CELF4: variants seen among roughly 807,000 people sequenced by gnomAD.
The protein encoded by CELF4 is CUGBP Elav-like family member 4.
CELF4 carries 18 observed loss-of-function variants against 59.9 expected under a neutral mutation model. That is an observed-to-expected ratio of 0.30 (90% CI 0.21 to 0.45). The LOEUF (loss-of-function observed/expected upper bound fraction) is 0.45. CELF4 is among the 20% of genes least tolerant of loss of function. CELF4 has a pLI of 1.00. For missense variants in CELF4, 456 were observed against 689.0 expected (o/e 0.66, Z 3.79); for synonymous variants, 261 against 267.1 (o/e 0.98, Z 0.22).
At chr18:37,539,776 A>G (rs1171543193) in intron 1 of CELF4, among the ~76,000 whole-genome samples, 1 of 152,112 alleles carries the variant, frequency 6.6e-6, no homozygotes, top group African/African-American at 2.4e-5. Context: ...AAAACTGAAA[A>G]ACGGATTTTT....
chr18:37,404,892 T>A (rs1045574081), intron 2 of CELF4, among the ~76,000 whole-genome samples: 3 of 152,226 alleles, frequency 2.0e-5, no homozygotes, highest in African/African-American at 7.2e-5. Context: ...TGTCGCATGC[T>A]TTTCCTTGCC....
chr18:37,464,246 G>C (rs1488649181), intron 2 of CELF4, among the ~76,000 whole-genome samples: 1 of 151,858 alleles, frequency 6.6e-6, no homozygotes, highest in East Asian at 2.0e-4. Flanking sequence ...GAGCAGAAAA[G>C]GAGTGAAGGA....
chr18:37,558,727 C>T (rs2099985656), intron 1 of CELF4, among the ~76,000 whole-genome samples: 1 of 151,936 alleles, frequency 6.6e-6, no homozygotes, highest in Non-Finnish European at 1.5e-5. Context: ...GGGCAACCGG[C>T]TCCCTGCCAC....
intron 1 of CELF4, among the ~76,000 whole-genome samples, chr18:37,513,361 G>A (rs1227209938): frequency 2.0e-5 from 3 of 152,162 alleles, no homozygotes; most frequent in African/African-American, 7.2e-5. Context: ...GGACTCCCAG[G>A]CACAGTGTGA....
At chr18:37,414,191 CATCTATCTATCT>C (rs59869024) in intron 2 of CELF4, among the ~76,000 whole-genome samples, 13,858 of 148,104 alleles carry the variant, frequency 0.094, 700 homozygotes, top group East Asian at 0.19. Flanking sequence ...TCCATTCATT[CATCTATCTATCT>C]ATCTATCTAT....
intron 2 of CELF4, among the ~76,000 whole-genome samples, chr18:37,326,241 A>C (rs1256247357): frequency 6.6e-6 from 1 of 152,214 alleles, no homozygotes; most frequent in Non-Finnish European, 1.5e-5. Context: ...GGGAAGAGCC[A>C]GGAGAGGAGG....
chr18:37,285,059 T>C (rs1040126987), intron 3 of CELF4, among the ~76,000 whole-genome samples: 26 of 152,190 alleles, frequency 1.7e-4, no homozygotes, highest in Non-Finnish European at 1.0e-4. Context: ...CACATTGCTT[T>C]TTGAGAGCTA....
intron 2 of CELF4, among the ~76,000 whole-genome samples, chr18:37,394,568 C>T (rs974746850): frequency 1.4e-4 from 22 of 152,218 alleles, no homozygotes; most frequent in African/African-American, 5.3e-4. Flanking sequence ...TGATTTGTGT[C>T]TCTCCCCTGC....
chr18:37,392,781 T>G (rs1201542160), intron 2 of CELF4, among the ~76,000 whole-genome samples: 1 of 152,246 alleles, frequency 6.6e-6, no homozygotes, highest in Non-Finnish European at 1.5e-5. Context: ...CAGTGGTCCC[T>G]CAGGTCTCAG....
intron 3 of CELF4, among the ~76,000 whole-genome samples, chr18:37,312,139 A>G (rs2096692587): frequency 1.3e-5 from 2 of 151,198 alleles, no homozygotes; most frequent in Non-Finnish European, 3.0e-5. Context: ...AAGAAAAAAA[A>G]AAAAAGAAGG....
At chr18:37,312,430 G>A (rs1354530881) in intron 3 of CELF4, among the ~76,000 whole-genome samples, 1 of 152,184 alleles carries the variant, frequency 6.6e-6, no homozygotes, top group Admixed American at 6.5e-5. Context: ...GCTGTCTTAT[G>A]TCTCACACAA....
chr18:37,362,608 G>A (rs943976913), intron 2 of CELF4, among the ~76,000 whole-genome samples: 5 of 151,470 alleles, frequency 3.3e-5, no homozygotes, highest in African/African-American at 1.2e-4. Context: ...AGCCTGGGGA[G>A]CAGGCTTGCT....
intron 3 of CELF4, among the ~76,000 whole-genome samples, chr18:37,307,643 C>G (rs1469206593): frequency 6.6e-6 from 1 of 152,058 alleles, no homozygotes; most frequent in Non-Finnish European, 1.5e-5. Context: ...TTTAGACCAG[C>G]AGAGAGCCTG....
chr18:37,535,659 G>C (rs1157985464), intron 1 of CELF4, among the ~76,000 whole-genome samples: 2 of 152,174 alleles, frequency 1.3e-5, no homozygotes, highest in African/African-American at 2.4e-5. Flanking sequence ...GCTCCGAAGG[G>C]ATAGTAAGCA....
intron 2 of CELF4, among the ~76,000 whole-genome samples, chr18:37,435,542 C>T (rs942487476): frequency 1.3e-5 from 2 of 152,208 alleles, no homozygotes; most frequent in Admixed American, 1.3e-4. Context: ...CTTTGCAGAG[C>T]AGACTGAGAC....
Position 37,475,559 on chromosome 18 carries a change from A to G in CELF4, c.369+9966T>C, listed in dbSNP as rs115166425. Among the ~76,000 whole-genome samples, 543 of 152,324 alleles carry G rather than the reference A, an allele frequency of 3.6e-3. 3 individuals carry two copies. The highest frequency in any genetic ancestry group is 0.012 in the African/African-American group (509 of 41,572). On this transcript the variant is annotated intron_variant, in intron 2 of 12. Transcript: ENST00000420428. ...GAAGGGAGCTTGGGGCTAGGTCCTG[A>G]TGCCCTGGGAGGATTCTGGTGGGTA...
chr18:37,555,612 G>A (rs1185256103), intron 1 of CELF4, among the ~76,000 whole-genome samples: 2 of 152,148 alleles, frequency 1.3e-5, no homozygotes, highest in African/African-American at 2.4e-5. Context: ...ACAGCGACAT[G>A]ATACAGTTTC....
intron 2 of CELF4, among the ~76,000 whole-genome samples, chr18:37,388,579 G>A (rs1255807015): frequency 4.6e-5 from 7 of 151,952 alleles, no homozygotes; most frequent in African/African-American, 9.7e-5. Flanking sequence ...TGCATTTCTC[G>A]GTTACTAATG....
chr18:37,263,401 CACT>C (rs2075889251), intron 10 of CELF4, among the ~76,000 whole-genome samples: 1 of 152,106 alleles, frequency 6.6e-6, no homozygotes, highest in South Asian at 2.1e-4. Flanking sequence ...GGCTCCAGGA[CACT>C]ATGCTGCAGG....
Sources: allele counts gnomAD v4.1 joint callset (sites outside exome capture counted in the v4.1 genomes callset), GRCh38; gene constraint gnomAD v4.1.1; transcripts MANE v1.5; gene names NCBI Gene and HGNC (gene_info 2026-07-23, HGNC 2026-07-21).